Variants in JSRP1 observed in about 807,000 individuals in gnomAD.
The protein encoded by JSRP1 is 2310032K21Rik.
Under a neutral mutation model 21.4 loss-of-function variants are expected in JSRP1, and 29 were observed. That is an observed-to-expected ratio of 1.36 (90% CI 1.01 to 1.85). JSRP1 has a LOEUF of 1.85. Ranked by LOEUF, JSRP1 falls within the 40% of genes most tolerant of loss-of-function variation. The pLI is 0.00. For missense variants in JSRP1, 531 were observed against 461.5 expected, an observed-to-expected ratio of 1.15 and a Z score of -1.38; for synonymous variants, 221 against 206.1, an observed-to-expected ratio of 1.07 and a Z score of -0.62.
chr19:2,253,283 G>A (rs1380155597), intron 5 of JSRP1, among the ~76,000 whole-genome samples: 5 of 150,936 alleles, frequency 3.3e-5, no homozygotes, highest in Non-Finnish European at 6.0e-5. Context: ...GAGTGCCCCC[G>A]GGGGGCGCTC....
At position 2,253,769 on chromosome 19, in the gene JSRP1, T is replaced by C. The variant is rs1192806615; in HGVS notation, c.287A>G (p.Lys96Arg). 11 of 1,434,288 alleles carry C rather than the reference T, an allele frequency of 7.7e-6. No homozygotes were observed. The South Asian group carries it at 1.4e-4, about 19-fold the overall frequency. 88.8% of individuals were successfully genotyped at this position (1,434,288 alleles called of 1,614,324 possible). ...GASPRSVPAR[K>R]KAQTAPPLQP... is the part of the protein sequence containing the mutation. ...CAGGGGCGGCGCGGTCTGCGCCTTC[T>C]TGCGCGCGGGGACGCTCCGAGGGCC... is the stretch of plus-strand genomic sequence containing the variant. The change falls in exon 5 of 7, where the codon AAG (lysine) becomes AGG (arginine). Residue 96 changes from lysine (K) to arginine (R), a missense_variant. Lys to Arg is a conservative substitution (Grantham distance 26). Transcript: ENST00000300961.
intron 3 of JSRP1, 66 bp downstream of exon 3, chr19:2,254,379 C>G: frequency 6.2e-7 from 1 of 1,607,962 alleles, no homozygotes; most frequent in Non-Finnish European, 8.5e-7. Flanking sequence ...ACCTGCCTCC[C>G]TTGGTCGGCT....
intron 2 of JSRP1, 24 bp downstream of exon 2, chr19:2,255,182 C>A: frequency 6.5e-7 from 1 of 1,533,832 alleles, no homozygotes; most frequent in Non-Finnish European, 8.9e-7. Flanking sequence ...GAAGGGCTTC[C>A]TCCCGCCAGC....
chr19:2,253,135 G>T, intron 5 of JSRP1, 132 bp from the exon 6 acceptor site: 1 of 646,208 alleles, frequency 1.5e-6, no homozygotes. Context: ...CTGAGACTAA[G>T]GATGCCCCCG....
chr19:2,254,317 G>A lies in JSRP1; in HGVS notation c.148-16C>T, dbSNP rs548964394. On this transcript the variant is annotated splice_polypyrimidine_tract_variant and intron_variant, in intron 3 of 6. Coordinates refer to ENST00000300961, the MANE Select transcript of JSRP1 (RefSeq NM_144616.4). ...CCTGAGAGTCCTGTGGTTATCACGA[G>A]ACATTCCACATGTTTCCTTCCAGTG... is the stretch of plus-strand genomic sequence containing the variant. 6.3e-7 allele frequency: 1 copy of A among 1,593,800 alleles called. No individual in the cohort carries two copies. Among genetic ancestry groups the A allele is most frequent in the South Asian group, 1.1e-5 (1 of 89,976 alleles).
rs567642832 is a variant in JSRP1, at chr19:2,255,238, G to A, written c.77C>T (p.Ala26Val). ...GSCQALEDHS[A>V]LAETQEDRAS... ...CCTGTCCTCCTGGGTCTCGGCCAGC[G>A]CAGAGTGGTCCTCCAGGGCCTGGCA... The change falls in exon 2 of 7, where the codon GCG becomes GTG. Residue 26 changes from alanine (A) to valine (V), a missense_variant. By Grantham distance (64) the Ala-to-Val change is moderately conservative. Coordinates refer to ENST00000300961, the MANE Select transcript of JSRP1 (RefSeq NM_144616.4). The A allele has an allele frequency of 2.7e-5, 43 of 1,611,108 alleles. No individual in the cohort carries two copies. Among genetic ancestry groups the A allele is most frequent in the Non-Finnish European group, 2.4e-5 (28 of 1,178,674 alleles).
intron 5 of JSRP1, 82 bp downstream of exon 5, chr19:2,253,537 TG>T: frequency 7.6e-7 from 1 of 1,318,416 alleles, no homozygotes; most frequent in Non-Finnish European, 9.8e-7. Context: ...GACCCCACCC[TG>T]GCGGCACAGC....
Position 2,255,350 on chromosome 19 carries a change from A to C in JSRP1, c.-30-6T>G. 7.1e-7 allele frequency: 1 copy of C among 1,416,528 alleles called. No individual in the cohort carries two copies. Among genetic ancestry groups the C allele is most frequent in the Non-Finnish European group, 9.8e-7 (1 of 1,016,268 alleles). 87.7% of individuals were successfully genotyped at this position (1,416,528 alleles called of 1,614,324 possible). On this transcript the variant is annotated splice_region_variant and splice_polypyrimidine_tract_variant and intron_variant, in intron 1 of 6. Coordinates refer to ENST00000300961, the MANE Select transcript of JSRP1 (RefSeq NM_144616.4). ...GCAGCAGGTCCCAGGCCAGGCTGGG[A>C]GGGGTGGGGAACAAGGTCTTGCATT...
At chr19:2,254,662 G>A (rs2025122039) in intron 2 of JSRP1, among the ~76,000 whole-genome samples, 180 bp from the exon 3 acceptor site, 1 of 151,548 alleles carries the variant, frequency 6.6e-6, no homozygotes, top group African/African-American at 2.4e-5. Flanking sequence ...TGAGGTGGGA[G>A]GATCACCTGA....
chr19:2,253,195 G>A (rs537122113), intron 5 of JSRP1, among the ~76,000 whole-genome samples, 192 bp from the exon 6 acceptor site: 2 of 152,294 alleles, frequency 1.3e-5, no homozygotes, highest in South Asian at 2.1e-4. Context: ...CCCCTTCTCC[G>A]AACCTCGCTC....
At position 2,254,445 on chromosome 19, in the gene JSRP1, G is replaced by A. The variant is rs757615872; in HGVS notation, c.147C>T (p.His49=). ...AAGGCTGAGGGTCCCAGCTACTCAC[G>A]TGGGGCACGCTGCCGGAGTCGGCCA... ...PRLADSGSVP[H]DSQVAEGPSV... Residue 49 remains histidine (H), a splice_region_variant and synonymous_variant, in exon 3 of 7, where the codon CAC becomes CAT. Coordinates refer to ENST00000300961, the MANE Select transcript of JSRP1 (RefSeq NM_144616.4). 140 of 1,612,738 alleles carry A rather than the reference G, an allele frequency of 8.7e-5. No individual in the cohort carries two copies. Among genetic ancestry groups the A allele is most frequent in the Non-Finnish European group, 1.1e-4 (134 of 1,179,964 alleles).
intron 3 of JSRP1, 61 bp downstream of exon 3, chr19:2,254,384 T>C: frequency 6.2e-7 from 1 of 1,608,400 alleles, no homozygotes; most frequent in East Asian, 2.2e-5. Context: ...CCTCCCTTGG[T>C]CGGCTTGTCC....
At chr19:2,255,596 C>G (rs563537888) in intron 1 of JSRP1, among the ~76,000 whole-genome samples, 25 of 152,364 alleles carry the variant, frequency 1.6e-4, no homozygotes, top group African/African-American at 6.0e-4. Flanking sequence ...TACAGTAGCC[C>G]AGGCTGCTCT....
chr19:2,253,894 T>G (rs2025108583), intron 4 of JSRP1, 101 bp from the exon 5 acceptor site: 2 of 1,263,600 alleles, frequency 1.6e-6, no homozygotes, highest in Non-Finnish European at 1.0e-6. Context: ...TGAACCCGGC[T>G]CTCTCTGCCT....
chr19:2,253,535 C>A, intron 5 of JSRP1, 85 bp downstream of exon 5: 2 of 1,311,808 alleles, frequency 1.5e-6, no homozygotes, highest in Non-Finnish European at 2.0e-6. Context: ...CAGACCCCAC[C>A]CTGGCGGCAC....
At chr19:2,255,460 A>C in intron 1 of JSRP1, 116 bp from the exon 2 acceptor site, 1 of 558,446 alleles carries the variant, frequency 1.8e-6, no homozygotes, top group Non-Finnish European at 3.2e-6. Context: ...ACCCCTCCTC[A>C]CTCGGCAAAT....
rs1375016364 is a variant in JSRP1 at position 2,254,466 on chromosome 19, G to A, written c.126C>T (p.Ala42=). ...TCACGTGGGGCACGCTGCCGGAGTC[G>A]GCCAGCCTGGGTGTCGCTGTGGGAA... ...EDRASATPRL[A]DSGSVPHDSQ... is the part of the protein sequence containing the mutation. The change falls in exon 3 of 7, where the codon GCC becomes GCT. Residue 42 remains alanine (A), a synonymous_variant. Coordinates refer to ENST00000300961, the MANE Select transcript of JSRP1 (RefSeq NM_144616.4). 4.3e-6 allele frequency: 7 copies of A among 1,612,696 alleles called. No individual in the cohort carries two copies. Among genetic ancestry groups the A allele is most frequent in the African/African-American group, 1.3e-5 (1 of 74,924 alleles).
In JSRP1 at chr19:2,252,687, T is replaced by C. The variant is rs1332943655; in HGVS notation, c.638A>G (p.Glu213Gly). The change falls in exon 7 of 7, where the codon GAG (glutamate) becomes GGG (glycine). Residue 213 changes from glutamate to glycine, a missense_variant. Coordinates refer to ENST00000300961, the MANE Select transcript of JSRP1 (RefSeq NM_144616.4). ...GSREAAENDE[E>G]EPGEATGEAV... ...CTCTCCGGTGGCCTCGCCGGGCTCCTCTTCGTCGTTCTCTGCAGCCTCCCG... is the reference window on the plus strand; with the variant it reads ...CTCTCCGGTGGCCTCGCCGGGCTCCCCTTCGTCGTTCTCTGCAGCCTCCCG... 6.2e-7 allele frequency: 1 copy of C among 1,612,150 alleles called. No individual in the cohort carries two copies. The highest frequency in any genetic ancestry group is 1.7e-5 in the Admixed American group (1 of 60,014).
At chr19:2,254,758 G>A (rs1464642265) in intron 2 of JSRP1, among the ~76,000 whole-genome samples, 2 of 151,518 alleles carry the variant, frequency 1.3e-5, no homozygotes, top group Non-Finnish European at 2.9e-5. Flanking sequence ...GAGGCATGGT[G>A]GCCTGCACCT....
Sources: gnomAD v4.1 joint callset for allele counts (sites outside exome capture counted in the v4.1 genomes callset) on GRCh38, gnomAD v4.1.1 for gene constraint, MANE v1.5 for transcripts, NCBI Gene and HGNC (gene_info 2026-07-23, HGNC 2026-07-21) for gene names.